CAPS2: variants seen among roughly 807,000 people sequenced by gnomAD.
CAPS2 encodes the protein calcyphosine 2, also known as calcyphosin-2.
In CAPS2, 98 loss-of-function variants were observed where a neutral mutation model predicts 86.5. The observed-to-expected ratio is 1.13, with a 90% CI of 0.96 to 1.34. CAPS2 has a LOEUF of 1.34. CAPS2 is among the 40% of genes most tolerant of loss of function. The pLI, the probability that CAPS2 is intolerant of heterozygous loss-of-function variation, is 0.00. For missense variants in CAPS2, 729 were observed against 686.8 expected, an observed-to-expected ratio of 1.06 and a Z score of -0.69; for synonymous variants, 210 against 225.1, an observed-to-expected ratio of 0.93 and a Z score of 0.60.
At chr12:75,370,397 T>G in intron 1 of CAPS2, 1 of 383,620 alleles carries the variant, frequency 2.6e-6, no homozygotes. Context: ...CAAATCCATA[T>G]GTGTATCAAA....
chr12:75,315,907 T>TTGCTTCA (rs112553509), intron 6 of CAPS2, among the ~76,000 whole-genome samples: 2,497 of 152,280 alleles, frequency 0.016, 57 homozygotes, highest in African/African-American at 0.052. Context: ...ATCTGGAGTT[T>TTGCTTCA]CTTTTCCTAA....
chr12:75,379,877 A>C (rs1208071395), intron 1 of CAPS2, among the ~76,000 whole-genome samples: 1 of 137,688 alleles, frequency 7.3e-6, no homozygotes, highest in Admixed American at 7.3e-5. Flanking sequence ...AAAAAAAAAA[A>C]TTGTAGAGTG....
chr12:75,382,490 A>T (rs1182370195), intron 1 of CAPS2, among the ~76,000 whole-genome samples: 1 of 152,076 alleles, frequency 6.6e-6, no homozygotes, highest in East Asian at 1.9e-4. Context: ...AAATACAAAA[A>T]TTAGCTGGGT....
At chr12:75,389,919 G>C (rs952766051) in intron 1 of CAPS2, among the ~76,000 whole-genome samples, 3 of 152,110 alleles carry the variant, frequency 2.0e-5, no homozygotes, top group African/African-American at 7.2e-5. Context: ...TTACTACTAT[G>C]CAGTCATAGT....
At chr12:75,349,380 C>CA in intron 1 of CAPS2, among the ~76,000 whole-genome samples, 1 of 151,984 alleles carries the variant, frequency 6.6e-6, no homozygotes, top group Middle Eastern at 3.4e-3. Context: ...ACAACAACAG[C>CA]AAAAAAACTC....
intron 1 of CAPS2, among the ~76,000 whole-genome samples, chr12:75,337,663 T>C (rs2041829022): frequency 6.6e-6 from 1 of 151,962 alleles, no homozygotes; most frequent in African/African-American, 2.4e-5. Context: ...TACCTCAAGA[T>C]TGGAATTTTT....
At chr12:75,281,001 A>T (rs1216635471) in intron 16 of CAPS2, among the ~76,000 whole-genome samples, 1 of 151,930 alleles carries the variant, frequency 6.6e-6, no homozygotes, top group Non-Finnish European at 1.5e-5. Context: ...TGCTCATAAA[A>T]TATTGTCAAT....
At chr12:75,300,077 C>G (rs2037557771) in intron 8 of CAPS2, among the ~76,000 whole-genome samples, 166 bp from the exon 9 acceptor site, 1 of 151,828 alleles carries the variant, frequency 6.6e-6, no homozygotes, top group South Asian at 2.1e-4. Context: ...GTAGCAGACA[C>G]AAAAGAAATA....
intron 1 of CAPS2, among the ~76,000 whole-genome samples, chr12:75,341,882 G>T (rs2042146018): frequency 1.3e-5 from 2 of 150,044 alleles, no homozygotes; most frequent in African/African-American, 2.5e-5. Flanking sequence ...CTGAGTAGTT[G>T]GGATTACAAG....
rs1418396173 is a variant in CAPS2, at chr12:75,283,655, A to ATT, written c.1515+1305_1515+1306insAA. Among the ~76,000 whole-genome samples, 1,031 of 152,174 alleles carry ATT rather than the reference A, an allele frequency of 6.8e-3. 6 individuals carry two copies. Among genetic ancestry groups the ATT allele is most frequent in the Middle Eastern group, 0.034 (10 of 294 alleles). On this transcript the variant is annotated intron_variant, in intron 15 of 16. Coordinates refer to ENST00000393284, the Ensembl canonical transcript of CAPS2. ...ATGGAGAAACCCTGTCTCTACTAAA[A>ATT]ATACAAAAATTAGCCAGGCATCGTG...
intron 8 of CAPS2, 123 bp from the exon 9 acceptor site, chr12:75,300,034 T>TAA (rs201289375): frequency 1.8e-5 from 8 of 437,452 alleles, no homozygotes; most frequent in Admixed American, 4.3e-5. Flanking sequence ...ACAATAAAGG[T>TAA]AAAAAAAAAC....
At chr12:75,296,501 C>T (rs1484715697) in intron 11 of CAPS2, among the ~76,000 whole-genome samples, 1 of 152,098 alleles carries the variant, frequency 6.6e-6, no homozygotes, top group Non-Finnish European at 1.5e-5. Flanking sequence ...ACTGTGTTAG[C>T]CAGGATGGTC....
intron 5 of CAPS2, among the ~76,000 whole-genome samples, chr12:75,319,384 A>C (rs1011047520): frequency 1.3e-5 from 2 of 152,062 alleles, no homozygotes; most frequent in African/African-American, 4.8e-5. Flanking sequence ...TGGTTGTTCA[A>C]AAGAGCCTGG....
upstream of CAPS2, chr12:75,329,959 T>A: frequency 8.8e-7 from 1 of 1,134,776 alleles, no homozygotes; most frequent in East Asian, 2.6e-5. Context: ...GGTCCAGAGT[T>A]AGAAGAGTTG....
intron 13 of CAPS2, among the ~76,000 whole-genome samples, 167 bp from the exon 14 acceptor site, chr12:75,289,942 T>C (rs889618892): frequency 2.6e-5 from 4 of 152,216 alleles, no homozygotes; most frequent in African/African-American, 9.6e-5. Flanking sequence ...AGGATGTTTT[T>C]AATCAAGAGG....
upstream of CAPS2, among the ~76,000 whole-genome samples, chr12:75,327,845 A>G (rs976370403): frequency 2.0e-5 from 3 of 148,796 alleles, no homozygotes; most frequent in Non-Finnish European, 4.5e-5. Context: ...TTATTAAAAT[A>G]TACTTTATTT....
intron 1 of CAPS2, among the ~76,000 whole-genome samples, chr12:75,355,526 A>T (rs1264420833): frequency 6.6e-6 from 1 of 151,908 alleles, no homozygotes; most frequent in East Asian, 1.9e-4. Flanking sequence ...GTTGGTGGGA[A>T]TGTACACTCC....
intron 1 of CAPS2, among the ~76,000 whole-genome samples, chr12:75,338,956 A>C (rs972931658): frequency 6.6e-6 from 1 of 152,200 alleles, no homozygotes; most frequent in African/African-American, 2.4e-5. Context: ...GCTGCATAGT[A>C]TTCCATGGTG....
At chr12:75,325,441 G>T in intron 1 of CAPS2, 153 bp from the exon 3 acceptor site, 1 of 282,448 alleles carries the variant, frequency 3.5e-6, no homozygotes, top group Non-Finnish European at 5.3e-6. Context: ...CCTTCCTACT[G>T]TGCTTGAGAC....
Sources: allele counts gnomAD v4.1 joint callset (sites outside exome capture counted in the v4.1 genomes callset), GRCh38; gene constraint gnomAD v4.1.1; transcripts MANE v1.5; gene names NCBI Gene and HGNC (gene_info 2026-07-23, HGNC 2026-07-21).